Variants in KIAA1217 observed in about 807,000 individuals in gnomAD.
KIAA1217 encodes KIAA1217.
A neutral mutation model predicts 163.9 loss-of-function variants in KIAA1217; 88 were observed. The ratio of observed to expected loss-of-function variants is 0.54; its 90% confidence interval spans 0.45 to 0.64. The LOEUF (loss-of-function observed/expected upper bound fraction) is 0.64. KIAA1217 is among the 30% of genes least tolerant of loss of function. The pLI, the probability that KIAA1217 is intolerant of heterozygous loss-of-function variation, is 0.00. For synonymous variants in KIAA1217, 903 were observed against 923.1 expected (o/e 0.98, Z 0.39); for missense variants, 2,372 against 2,475.0 (o/e 0.96, Z 0.88).
intron 1 of KIAA1217, among the ~76,000 whole-genome samples, chr10:23,984,927 A>T (rs895679448): frequency 3.9e-5 from 5 of 129,534 alleles, no homozygotes; most frequent in African/African-American, 1.1e-4. Flanking sequence ...TTAAAGTATT[A>T]AAAAAAAAAA....
At chr10:23,701,886 C>G (rs182277841) in intron 1 of KIAA1217, among the ~76,000 whole-genome samples, 2 of 152,280 alleles carry the variant, frequency 1.3e-5, no homozygotes, top group East Asian at 1.9e-4. Context: ...TCAAAGCAGT[C>G]AAATTTTAGA....
At chr10:24,152,287 G>A (rs914878677) in intron 2 of KIAA1217, among the ~76,000 whole-genome samples, 1 of 152,164 alleles carries the variant, frequency 6.6e-6, no homozygotes, top group Non-Finnish European at 1.5e-5. Context: ...GCAAATGGTA[G>A]CAATGTGCTA....
At chr10:23,810,747 T>C (rs1291909878) in intron 1 of KIAA1217, among the ~76,000 whole-genome samples, 1 of 126,168 alleles carries the variant, frequency 7.9e-6, no homozygotes, top group Non-Finnish European at 1.6e-5. Context: ...ATATATACTA[T>C]ATAATATAGT....
At chr10:24,126,153 A>C (rs1001578252) in intron 2 of KIAA1217, among the ~76,000 whole-genome samples, 5 of 152,210 alleles carry the variant, frequency 3.3e-5, no homozygotes, top group African/African-American at 1.2e-4. Context: ...AATTTATATT[A>C]AACGTGTTGA....
chr10:24,200,214 T>TTTA (rs2067189321), intron 2 of KIAA1217, among the ~76,000 whole-genome samples: 1 of 137,792 alleles, frequency 7.3e-6, no homozygotes, highest in Non-Finnish European at 1.5e-5. Context: ...TATTTTTTAA[T>TTTA]TTTTTTTTTT....
At position 24,291,230 on chromosome 10, in the gene KIAA1217, G is replaced by C. The variant is rs186321169; in HGVS notation, c.354+71321G>C. Among the ~76,000 whole-genome samples the C allele has an allele frequency of 4.5e-4, 68 of 152,220 alleles. 3 individuals are homozygous for C. In the East Asian group the frequency reaches 0.011, roughly 25 times the overall value. On this transcript the variant is annotated intron_variant, in intron 2 of 20. Coordinates refer to ENST00000376454, the MANE Select transcript of KIAA1217 (RefSeq NM_019590.5). ...TGGGATATGACCAACAATTATCTTA[G>C]AAAATTTCACTCAATCGGCTGGGCA...
intron 2 of KIAA1217, among the ~76,000 whole-genome samples, chr10:24,053,104 T>G (rs1849634771): frequency 6.6e-6 from 1 of 152,214 alleles, no homozygotes; most frequent in Non-Finnish European, 1.5e-5. Context: ...CCCTTTGTTT[T>G]GTAACAGGAG....
At chr10:23,935,990 T>C (rs1201394822) in intron 1 of KIAA1217, among the ~76,000 whole-genome samples, 1 of 152,172 alleles carries the variant, frequency 6.6e-6, no homozygotes, top group Non-Finnish European at 1.5e-5. Context: ...CAGGACCTAA[T>C]AGGAGCCATG....
Position 24,543,328 on chromosome 10 carries a change from A to AG in KIAA1217, c.4060dup (p.Glu1354GlyfsTer6). The AG allele has an allele frequency of 6.2e-7, 1 of 1,614,168 alleles. No individual in the cohort carries two copies. The highest frequency in any genetic ancestry group is 8.5e-7 in the Non-Finnish European group (1 of 1,180,020). ...TTTGGCCAAGTTGTTCTAAGACCCA[A>AG]GGAGGCAAGGCATGCTAACGTGAAC... On this transcript the variant is annotated frameshift_variant, in exon 19 of 21. Coordinates refer to ENST00000376454, the MANE Select transcript of KIAA1217 (RefSeq NM_019590.5). LOFTEE classifies it high-confidence loss of function.
At chr10:23,861,452 A>G (rs939829197) in intron 1 of KIAA1217, among the ~76,000 whole-genome samples, 5 of 152,188 alleles carry the variant, frequency 3.3e-5, no homozygotes, top group South Asian at 2.1e-4. Context: ...ATGTTACATT[A>G]CACGGTAGAG....
intron 2 of KIAA1217, among the ~76,000 whole-genome samples, chr10:24,020,665 G>T (rs1847693835): frequency 6.6e-6 from 1 of 152,024 alleles, no homozygotes; most frequent in Non-Finnish European, 1.5e-5. Context: ...AGGTGTTTGA[G>T]TACAATCTGT....
At chr10:24,433,304 G>T (rs1027043708) in intron 4 of KIAA1217, 111 bp downstream of exon 4, 1 of 742,546 alleles carries the variant, frequency 1.3e-6, no homozygotes, top group South Asian at 1.9e-5. Context: ...CATTTAGAGT[G>T]TTTTTTTGTT....
At chr10:24,335,478 A>T (rs1236998803) in intron 2 of KIAA1217, among the ~76,000 whole-genome samples, 2 of 151,890 alleles carry the variant, frequency 1.3e-5, no homozygotes, top group Admixed American at 1.3e-4. Context: ...GAGTTTTATT[A>T]TGGGATGAAA....
chr10:23,861,340 G>C (rs1366662007), intron 1 of KIAA1217, among the ~76,000 whole-genome samples: 1 of 152,188 alleles, frequency 6.6e-6, no homozygotes, highest in African/African-American at 2.4e-5. Context: ...GAAACACACA[G>C]ACACAGTGAC....
At chr10:24,227,487 G>A (rs1237498204) in intron 2 of KIAA1217, among the ~76,000 whole-genome samples, 7 of 151,248 alleles carry the variant, frequency 4.6e-5, no homozygotes, top group African/African-American at 1.7e-4. Context: ...GAACATTACA[G>A]GGGGCAAAAA....
rs2065514444 is a variant in KIAA1217 at position 24,169,420 on chromosome 10, C to A, written c.-170-50206C>A. ...GAATAAGACCACCATCAGTCTCTAG[C>A]ATATATTCTGCTTTATCTTTCTTCA... On this transcript the variant is annotated intron_variant, in intron 2 of 18. Coordinates refer to the KIAA1217 transcript ENST00000376462. 1.4e-4 allele frequency among the ~76,000 whole-genome samples: 19 copies of A among 139,110 alleles called. No homozygotes were observed. In the Admixed American group the frequency reaches 1.4e-3, roughly 10 times the overall value. The allele number at this position is 139,110 out of a possible 152,430, so 91.3% of individuals were successfully genotyped here. A position where few individuals can be genotyped will look rare whatever the true frequency, so the allele number is the denominator to read the frequency against.
At chr10:24,021,191 T>C (rs1456885673) in intron 2 of KIAA1217, among the ~76,000 whole-genome samples, 1 of 151,922 alleles carries the variant, frequency 6.6e-6, no homozygotes, top group African/African-American at 2.4e-5. Flanking sequence ...ATTATGTATG[T>C]AGAAAATCCC....
chr10:24,430,023 A>G (rs1285540317), intron 3 of KIAA1217, among the ~76,000 whole-genome samples: 1 of 152,090 alleles, frequency 6.6e-6, no homozygotes, highest in African/African-American at 2.4e-5. Flanking sequence ...GTTCTCTCCT[A>G]TGGTCCCAGG....
intron 2 of KIAA1217, among the ~76,000 whole-genome samples, chr10:24,267,613 C>T (rs2076359428): frequency 6.6e-6 from 1 of 152,108 alleles, no homozygotes; most frequent in African/African-American, 2.4e-5. Flanking sequence ...ATGCCTGGCC[C>T]CAAGAAGGGA....
Sources: allele counts gnomAD v4.1 joint callset (sites outside exome capture counted in the v4.1 genomes callset), GRCh38; gene constraint gnomAD v4.1.1; transcripts MANE v1.5; gene names NCBI Gene and HGNC (gene_info 2026-07-23, HGNC 2026-07-21).